Variants in C10orf90 observed in about 807,000 individuals in gnomAD.
The protein encoded by C10orf90 is (E2-independent) E3 ubiquitin-conjugating enzyme FATS.
C10orf90 carries 56 observed loss-of-function variants against 62.5 expected under a neutral mutation model. The observed-to-expected ratio is 0.90, with a 90% confidence interval of 0.72 to 1.12. The LOEUF (loss-of-function observed/expected upper bound fraction) is 1.12, where lower values mean the gene tolerates loss of function less well. Ranked by LOEUF, C10orf90 falls within the 50% of genes most tolerant of loss-of-function variation. The pLI is 0.00. For synonymous variants in C10orf90, 386 were observed against 340.4 expected (o/e 1.13, Z -1.47); for missense variants, 970 against 880.4 (o/e 1.10, Z -1.29).
chr10:126,506,090 A>G (rs1862716412), intron 3 of C10orf90, among the ~76,000 whole-genome samples: 1 of 152,248 alleles, frequency 6.6e-6, no homozygotes, highest in Admixed American at 6.5e-5. Context: ...AGGCACATGT[A>G]GCTTTGCTGC....
At chr10:126,467,341 G>A (rs922723157) in intron 4 of C10orf90, among the ~76,000 whole-genome samples, 3 of 152,310 alleles carry the variant, frequency 2.0e-5, no homozygotes, top group Middle Eastern at 3.4e-3. Context: ...ATTCTGAAAC[G>A]TACAATCGTC....
chr10:126,560,385 T>C (rs780875299), intron 2 of C10orf90, among the ~76,000 whole-genome samples: 104 of 152,268 alleles, frequency 6.8e-4, no homozygotes, highest in Admixed American at 1.3e-3. Context: ...CGGTGATAAA[T>C]GGTGAATAAT....
chr10:126,597,438 G>A (rs1369218240), intron 2 of C10orf90, among the ~76,000 whole-genome samples: 5 of 152,244 alleles, frequency 3.3e-5, no homozygotes, highest in African/African-American at 4.8e-5. Context: ...TGGAGAGGAG[G>A]TTGGAACCAA....
At chr10:126,627,548 G>C (rs1845770868) in intron 2 of C10orf90, among the ~76,000 whole-genome samples, 1 of 151,334 alleles carries the variant, frequency 6.6e-6, no homozygotes, top group Non-Finnish European at 1.5e-5. Flanking sequence ...GCAGCTCCAA[G>C]GTTAAAAGGA....
rs146582483 is a variant in C10orf90, at chr10:126,546,772, T to C, written c.314-32833A>G. Among the ~76,000 whole-genome samples, 1,041 of 152,276 alleles carry C rather than the reference T, an allele frequency of 6.8e-3. 8 individuals carry two copies. The highest frequency in any genetic ancestry group is 0.024 in the African/African-American group (979 of 41,560). On this transcript the variant is annotated intron_variant, in intron 2 of 9. Coordinates refer to ENST00000488181, the MANE Select transcript of C10orf90 (RefSeq NM_001350921.2). ...CAGTGTCAGAAAAAGCCAATTAAAA[T>C]AGAAGATTTAATAAGATCCAGAGTT...
chr10:126,527,278 T>A (rs981671762), intron 2 of C10orf90, among the ~76,000 whole-genome samples: 1 of 152,208 alleles, frequency 6.6e-6, no homozygotes, highest in Non-Finnish European at 1.5e-5. Context: ...TGGTATCTCA[T>A]TGTGGTTTTG....
chr10:126,573,832 C>CT (rs920568760), intron 2 of C10orf90, among the ~76,000 whole-genome samples: 122 of 148,556 alleles, frequency 8.2e-4, no homozygotes, highest in East Asian at 3.2e-3. Context: ...TCTAACTTTG[C>CT]TTTTTTTTTT....
intron 2 of C10orf90, among the ~76,000 whole-genome samples, chr10:126,601,248 G>A (rs768728169): frequency 6.6e-6 from 1 of 152,170 alleles, no homozygotes; most frequent in Non-Finnish European, 1.5e-5. Flanking sequence ...ACATGTGTGG[G>A]ATGAACAAGG....
intron 2 of C10orf90, among the ~76,000 whole-genome samples, chr10:126,645,539 A>C (rs1372636624): frequency 6.6e-6 from 1 of 151,314 alleles, no homozygotes; most frequent in Admixed American, 6.6e-5. Flanking sequence ...GCAGTGAGTC[A>C]TGATAGCACC....
intron 4 of C10orf90, among the ~76,000 whole-genome samples, chr10:126,473,752 A>G (rs1860714017): frequency 6.6e-6 from 1 of 152,140 alleles, no homozygotes; most frequent in Admixed American, 6.5e-5. Flanking sequence ...CTATCAAGGT[A>G]TAAGAGTAGA....
chr10:126,557,523 C>G (rs1864805600), intron 2 of C10orf90, among the ~76,000 whole-genome samples: 1 of 151,752 alleles, frequency 6.6e-6, no homozygotes, highest in African/African-American at 2.4e-5. Flanking sequence ...ATACCTTTCC[C>G]CCATAACTTC....
intron 2 of C10orf90, among the ~76,000 whole-genome samples, chr10:126,579,460 C>T (rs7087296): frequency 0.16 from 24,017 of 151,698 alleles, 2,349 homozygotes; most frequent in African/African-American, 0.28. Flanking sequence ...AGGCTGGTCT[C>T]GAACTCCTGA....
intron 1 of C10orf90, among the ~76,000 whole-genome samples, chr10:126,658,766 A>AT (rs1236623896): frequency 6.6e-6 from 1 of 152,092 alleles, no homozygotes; most frequent in Non-Finnish European, 1.5e-5. Flanking sequence ...GGATTGATTG[A>AT]TTGATTGATT....
chr10:126,472,678 GA>G (rs201065821), intron 4 of C10orf90, among the ~76,000 whole-genome samples: 11 of 151,214 alleles, frequency 7.3e-5, no homozygotes, highest in East Asian at 1.9e-4. Context: ...AAAATTGGAA[GA>G]AAAAAAAATC....
intron 4 of C10orf90, among the ~76,000 whole-genome samples, chr10:126,494,925 C>T (rs578198272): frequency 4.1e-4 from 63 of 152,244 alleles, no homozygotes; most frequent in African/African-American, 1.4e-3. Context: ...GGGACCTTAA[C>T]GCTGAAGAAT....
chr10:126,451,662 T>C (rs1209700156), intron 7 of C10orf90, among the ~76,000 whole-genome samples: 1 of 151,510 alleles, frequency 6.6e-6, no homozygotes, highest in Non-Finnish European at 1.5e-5. Context: ...CACATATGTG[T>C]GTATATATAC....
At chr10:126,507,806 C>T (rs542795837) in intron 3 of C10orf90, among the ~76,000 whole-genome samples, 8 of 152,234 alleles carry the variant, frequency 5.3e-5, no homozygotes, top group Admixed American at 3.9e-4. Flanking sequence ...AGTGAGATTC[C>T]AGCCTGTAGC....
At chr10:126,611,817 C>G (rs951276492) in intron 2 of C10orf90, among the ~76,000 whole-genome samples, 1 of 152,140 alleles carries the variant, frequency 6.6e-6, no homozygotes, top group Non-Finnish European at 1.5e-5. Flanking sequence ...TCTCTCTGGG[C>G]TCCAAGGGTA....
intron 1 of C10orf90, among the ~76,000 whole-genome samples, chr10:126,666,375 T>C (rs535535433): frequency 9.9e-4 from 150 of 152,276 alleles, no homozygotes; most frequent in Non-Finnish European, 1.7e-3. Flanking sequence ...CAATGTAAGA[T>C]TCACAATATC....
Sources: allele counts gnomAD v4.1 joint callset (sites outside exome capture counted in the v4.1 genomes callset), GRCh38; gene constraint gnomAD v4.1.1; transcripts MANE v1.5; gene names NCBI Gene and HGNC (gene_info 2026-07-23, HGNC 2026-07-21).